Variants in LRMDA observed in about 807,000 individuals in gnomAD.
LRMDA encodes the protein leucine rich melanocyte differentiation associated.
In LRMDA, 18 loss-of-function variants were observed where a neutral mutation model predicts 29.8. That is an observed-to-expected ratio of 0.60 (90% CI 0.42 to 0.90). The LOEUF is 0.90. Ranked by LOEUF, LRMDA falls within the 40% of genes least tolerant of loss-of-function variation. The pLI, the probability that LRMDA is intolerant of heterozygous loss-of-function variation, is 0.00. For missense variants in LRMDA, 273 were observed against 273.9 expected (o/e 1.00, Z 0.02); for synonymous variants, 125 against 109.4 (o/e 1.14, Z -0.89).
At chr10:75,831,007 T>C (rs1296799234) in intron 2 of LRMDA, among the ~76,000 whole-genome samples, 2 of 152,122 alleles carry the variant, frequency 1.3e-5, no homozygotes, top group Non-Finnish European at 1.5e-5. Flanking sequence ...AAAGGGGCTA[T>C]TGGCCCCATG....
At chr10:76,069,303 T>C (rs752322749) in intron 5 of LRMDA, among the ~76,000 whole-genome samples, 3 of 152,212 alleles carry the variant, frequency 2.0e-5, no homozygotes, top group Non-Finnish European at 4.4e-5. Context: ...AATTAGCCCT[T>C]CTGTTTGCTT....
intron 6 of LRMDA, among the ~76,000 whole-genome samples, chr10:76,509,173 G>T (rs889533390): frequency 5.3e-5 from 8 of 152,114 alleles, no homozygotes; most frequent in African/African-American, 1.9e-4. Context: ...TAGAAAATAT[G>T]CAGGTACATG....
chr10:75,633,169 C>T (rs1841349336), intron 2 of LRMDA, among the ~76,000 whole-genome samples: 1 of 152,170 alleles, frequency 6.6e-6, no homozygotes, highest in Non-Finnish European at 1.5e-5. Flanking sequence ...CCTTTGTGCG[C>T]ACATTCTTTT....
intron 2 of LRMDA, among the ~76,000 whole-genome samples, chr10:75,789,461 T>C (rs901727723): frequency 6.6e-6 from 1 of 152,248 alleles, no homozygotes; most frequent in Admixed American, 6.5e-5. Context: ...AAGCAATGGA[T>C]GTTTAATGTT....
intron 2 of LRMDA, among the ~76,000 whole-genome samples, chr10:75,634,777 T>C (rs572612913): frequency 5.9e-5 from 9 of 152,270 alleles, no homozygotes; most frequent in African/African-American, 2.2e-4. Context: ...GTAGTTAAAA[T>C]ATAGAAAAAT....
chr10:76,030,072 T>C (rs1195076158), intron 2 of LRMDA, among the ~76,000 whole-genome samples: 2 of 152,186 alleles, frequency 1.3e-5, no homozygotes, highest in South Asian at 2.1e-4. Flanking sequence ...CTTTTTGTGT[T>C]TTAGAAATGG....
At chr10:75,773,339 C>T (rs1485116204) in intron 2 of LRMDA, among the ~76,000 whole-genome samples, 1 of 152,124 alleles carries the variant, frequency 6.6e-6, no homozygotes, top group Non-Finnish European at 1.5e-5. Context: ...AGGGATTGAC[C>T]ACTCCCAGTT....
At chr10:76,168,036 G>C (rs1850772347) in intron 5 of LRMDA, among the ~76,000 whole-genome samples, 1 of 151,926 alleles carries the variant, frequency 6.6e-6, no homozygotes, top group Non-Finnish European at 1.5e-5. Flanking sequence ...GGATTGTAGG[G>C]AATCCAATTT....
intron 6 of LRMDA, chr10:76,438,476 G>C (rs899680671): frequency 2.0e-5 from 3 of 152,146 alleles, no homozygotes; most frequent in African/African-American, 4.8e-5. Context: ...ACTAGTACTC[G>C]GGTTGGGCAT....
At chr10:75,506,627 G>C (rs1001628485) in intron 2 of LRMDA, among the ~76,000 whole-genome samples, 1 of 152,166 alleles carries the variant, frequency 6.6e-6, no homozygotes. Flanking sequence ...GTTGGTTGTA[G>C]GCTTGGTGGA....
chr10:76,471,816 C>T (rs537179385), intron 6 of LRMDA, among the ~76,000 whole-genome samples: 2 of 151,714 alleles, frequency 1.3e-5, no homozygotes, highest in East Asian at 1.9e-4. Flanking sequence ...GAAAAAGTTA[C>T]TAGAGTAAAA....
At chr10:76,317,132 G>A (rs1459731356) in intron 5 of LRMDA, among the ~76,000 whole-genome samples, 1 of 152,160 alleles carries the variant, frequency 6.6e-6, no homozygotes, top group Admixed American at 6.5e-5. Flanking sequence ...AACAGTTTGG[G>A]CTTTAGGAGT....
At chr10:75,797,776 A>G (rs149806098) in intron 2 of LRMDA, among the ~76,000 whole-genome samples, 114 of 152,290 alleles carry the variant, frequency 7.5e-4, no homozygotes, top group African/African-American at 2.6e-3. Context: ...TAGCACATTT[A>G]GTTTGTTCAT....
In LRMDA at chr10:75,951,666, C is replaced by T. The variant is rs1337043044; in HGVS notation, c.132-84342C>T. 2.0e-5 allele frequency among the ~76,000 whole-genome samples: 3 copies of T among 152,350 alleles called. No homozygotes were observed. The East Asian group carries it at 5.8e-4, about 29-fold the overall frequency. On this transcript the variant is annotated intron_variant, in intron 2 of 6. Coordinates refer to ENST00000611255, the MANE Select transcript of LRMDA (RefSeq NM_001305581.2). ...AAATCATGATTCTTGAAATCTGCCT[C>T]TAACCCCCAAATAGTTTTTTTTCCA...
At chr10:75,829,894 G>A (rs1844310263) in intron 2 of LRMDA, among the ~76,000 whole-genome samples, 1 of 112,328 alleles carries the variant, frequency 8.9e-6, no homozygotes, top group Non-Finnish European at 1.7e-5. Context: ...TTGACTGCTT[G>A]TATCCCAACT....
At chr10:75,481,227 T>C (rs1844852797) in intron 2 of LRMDA, among the ~76,000 whole-genome samples, 1 of 152,066 alleles carries the variant, frequency 6.6e-6, no homozygotes, top group African/African-American at 2.4e-5. Context: ...TGGGGCAGTT[T>C]AGCGTGAGAA....
At chr10:75,494,790 C>T (rs570610834) in intron 2 of LRMDA, among the ~76,000 whole-genome samples, 27 of 152,244 alleles carry the variant, frequency 1.8e-4, no homozygotes, top group African/African-American at 5.8e-4. Context: ...CGTGAGCCAC[C>T]GTGCCTGGCC....
intron 2 of LRMDA, among the ~76,000 whole-genome samples, chr10:75,461,518 G>A (rs572510874): frequency 2.6e-4 from 40 of 152,286 alleles, no homozygotes; most frequent in African/African-American, 8.9e-4. Flanking sequence ...TACTTTGGGG[G>A]TAGCCTGTCC....
chr10:76,351,894 A>G (rs1841181266), intron 6 of LRMDA, among the ~76,000 whole-genome samples: 1 of 152,100 alleles, frequency 6.6e-6, no homozygotes, highest in Non-Finnish European at 1.5e-5. Flanking sequence ...CATCAACAGT[A>G]AAAGGTGGGT....
Sources: allele counts gnomAD v4.1 joint callset (sites outside exome capture counted in the v4.1 genomes callset), GRCh38; gene constraint gnomAD v4.1.1; transcripts MANE v1.5; gene names NCBI Gene and HGNC (gene_info 2026-07-23, HGNC 2026-07-21).